The following MAN2A1 variants were observed in gnomAD, a reference collection of about 807,000 sequenced individuals.
MAN2A1 encodes alpha-mannosidase 2.
A neutral mutation model predicts 142.6 loss-of-function variants in MAN2A1; 76 were observed. That is an observed-to-expected ratio of 0.53 (90% CI 0.44 to 0.65). MAN2A1 has a LOEUF of 0.65. Ranked by LOEUF, MAN2A1 falls within the 30% of genes least tolerant of loss-of-function variation. The probability of loss-of-function intolerance (pLI) is 0.00; values close to 1 mark genes in which losing one functional copy is unlikely to be tolerated. For synonymous variants in MAN2A1, 559 were observed against 473.2 expected (o/e 1.18, Z -2.35); for missense variants, 1,311 against 1,365.1 (o/e 0.96, Z 0.62).
chr5:109,797,312 G>C (rs544163108), intron 12 of MAN2A1, among the ~76,000 whole-genome samples: 78 of 152,056 alleles, frequency 5.1e-4, no homozygotes, highest in African/African-American at 1.7e-3. Context: ...TAATCTCTGA[G>C]AAATATGAAA....
At chr5:109,713,370 T>C in intron 1 of MAN2A1, 150 bp from the exon 2 acceptor site, 1 of 542,932 alleles carries the variant, frequency 1.8e-6, no homozygotes. Context: ...CAGCTGTTCA[T>C]GCTTTCTGCG....
rs998585104 is a variant in MAN2A1, at chr5:109,691,839, A to C, written c.135+1287A>C. 2.0e-5 allele frequency among the ~76,000 whole-genome samples: 3 copies of C among 152,358 alleles called. No individual in the cohort carries two copies. In the East Asian group the frequency reaches 5.8e-4, roughly 29 times the overall value. ...AGAAACAAGCACTGAGGGCATCTTTAAATCTTGAGCTCAGAGCTTGTCCAG... is the reference window on the plus strand; with the variant it reads ...AGAAACAAGCACTGAGGGCATCTTTCAATCTTGAGCTCAGAGCTTGTCCAG... On this transcript the variant is annotated intron_variant, in intron 1 of 21. Coordinates refer to ENST00000261483, the MANE Select transcript of MAN2A1 (RefSeq NM_002372.4).
Position 109,803,302 on chromosome 5 carries a change from C to T in MAN2A1, c.1943+13775C>T, listed in dbSNP as rs189376413. Among the ~76,000 whole-genome samples the T allele has an allele frequency of 3.4e-4, 51 of 152,010 alleles. 1 individual carries two copies. The highest frequency in any genetic ancestry group is 9.2e-4 in the African/African-American group (38 of 41,518). ...AGAGTAGCTTAATGTTCTGAGACCA[C>T]CTGCTAAATTGCCTGGTTAGTCTGT... On this transcript the variant is annotated intron_variant, in intron 12 of 21. Transcript: ENST00000261483.
intron 1 of MAN2A1, among the ~76,000 whole-genome samples, chr5:109,710,600 G>A (rs1467952724): frequency 1.3e-5 from 2 of 152,186 alleles, no homozygotes; most frequent in Middle Eastern, 3.4e-3. Context: ...TGCTTCCCAG[G>A]TTCAAGCAAT....
At chr5:109,852,136 C>T (rs550107883) in intron 19 of MAN2A1, among the ~76,000 whole-genome samples, 7 of 106,714 alleles carry the variant, frequency 6.6e-5, no homozygotes, top group Non-Finnish European at 5.8e-5. Context: ...AAAGAGTTGG[C>T]TTAAAAACAA....
chr5:109,748,217 A>G (rs758356844), intron 4 of MAN2A1, among the ~76,000 whole-genome samples: 10 of 152,194 alleles, frequency 6.6e-5, no homozygotes, highest in Non-Finnish European at 1.5e-4. Flanking sequence ...GCAGTATGTG[A>G]GACTACTTAT....
chr5:109,837,206 T>C (rs955689015), intron 16 of MAN2A1, among the ~76,000 whole-genome samples: 2 of 150,952 alleles, frequency 1.3e-5, no homozygotes, highest in Non-Finnish European at 2.9e-5. Flanking sequence ...CAATAGAGTA[T>C]CTGTCTTTAA....
chr5:109,764,071 G>A (rs886593836), intron 5 of MAN2A1, among the ~76,000 whole-genome samples: 2 of 152,056 alleles, frequency 1.3e-5, no homozygotes, highest in South Asian at 4.1e-4. Context: ...AAAGTGCTGG[G>A]ATTACAGGCA....
At position 109,732,182 on chromosome 5, in the gene MAN2A1, G is replaced by A. The variant is rs1342402986; in HGVS notation, c.707+2669G>A. On this transcript the variant is annotated intron_variant, in intron 4 of 21. Coordinates refer to ENST00000261483, the MANE Select transcript of MAN2A1 (RefSeq NM_002372.4). ...CTTCTTTTGAGAAGTGTCTGTTCAT[G>A]TCCTTTGCCCACTTTTTGATGGGGT... 4.0e-5 allele frequency among the ~76,000 whole-genome samples: 6 copies of A among 150,258 alleles called. No homozygotes were observed. The South Asian group carries it at 1.1e-3, about 27-fold the overall frequency.
At chr5:109,691,704 A>G (rs1750677732) in intron 1 of MAN2A1, among the ~76,000 whole-genome samples, 1 of 152,214 alleles carries the variant, frequency 6.6e-6, no homozygotes, top group Admixed American at 6.5e-5. Context: ...TCATCAATAC[A>G]GAGCACTCAA....
chr5:109,742,978 C>T (rs1752310004), intron 4 of MAN2A1, among the ~76,000 whole-genome samples: 1 of 152,166 alleles, frequency 6.6e-6, no homozygotes, highest in South Asian at 2.1e-4. Flanking sequence ...TCATGGAGAC[C>T]TGTAAAAGCC....
At chr5:109,804,209 C>T (rs908408989) in intron 12 of MAN2A1, 1 of 986,896 alleles carries the variant, frequency 1.0e-6, no homozygotes, top group Admixed American at 6.2e-5. Context: ...GTGAAGGTAT[C>T]CTGATCCTGA....
At chr5:109,729,256 T>C in intron 3 of MAN2A1, 86 bp from the exon 4 acceptor site, 1 of 769,834 alleles carries the variant, frequency 1.3e-6, no homozygotes. Context: ...ATTCTAACGA[T>C]GTCCAAAGTA....
intron 3 of MAN2A1, among the ~76,000 whole-genome samples, chr5:109,728,668 G>C (rs1751815381): frequency 1.3e-5 from 2 of 152,140 alleles, no homozygotes; most frequent in Non-Finnish European, 2.9e-5. Context: ...AACATCTACA[G>C]TTCTCTTTTT....
At chr5:109,693,503 C>T (rs1443466562) in intron 1 of MAN2A1, among the ~76,000 whole-genome samples, 3 of 151,822 alleles carry the variant, frequency 2.0e-5, no homozygotes, top group Non-Finnish European at 4.4e-5. Context: ...TGATACGGAA[C>T]CTTCACTAGG....
intron 3 of MAN2A1, among the ~76,000 whole-genome samples, chr5:109,723,880 A>G (rs1289031146): frequency 1.3e-5 from 2 of 152,116 alleles, no homozygotes; most frequent in African/African-American, 2.4e-5. Flanking sequence ...TTCTTTTGGT[A>G]AGACTTTACC....
intron 16 of MAN2A1, among the ~76,000 whole-genome samples, chr5:109,833,708 G>GGGGAGA: frequency 6.7e-6 from 1 of 150,348 alleles, no homozygotes; most frequent in Middle Eastern, 3.2e-3. Flanking sequence ...GGAGGGGGAG[G>GGGGAGA]GGGAGAGGGA....
chr5:109,837,501 G>C (rs1755088096), intron 16 of MAN2A1, among the ~76,000 whole-genome samples: 1 of 152,142 alleles, frequency 6.6e-6, no homozygotes, highest in Non-Finnish European at 1.5e-5. Flanking sequence ...AGTGAGACAT[G>C]ATGATGTAGT....
intron 16 of MAN2A1, among the ~76,000 whole-genome samples, chr5:109,831,699 A>G (rs1158666653): frequency 1.3e-5 from 2 of 152,134 alleles, no homozygotes; most frequent in African/African-American, 4.8e-5. Context: ...TTTTCTCCTT[A>G]TAATTACATT....
Sources: allele counts gnomAD v4.1 joint callset (sites outside exome capture counted in the v4.1 genomes callset), GRCh38; gene constraint gnomAD v4.1.1; transcripts MANE v1.5; gene names NCBI Gene and HGNC (gene_info 2026-07-23, HGNC 2026-07-21).